The following TACR1 variants were observed in gnomAD, a reference collection of about 807,000 sequenced individuals.
The protein encoded by TACR1 is substance-P receptor.
A neutral mutation model predicts 35.8 loss-of-function variants in TACR1; 25 were observed. That is an observed-to-expected ratio of 0.70 (90% confidence interval 0.51 to 0.98). TACR1 has a LOEUF of 0.98. TACR1 is among the 50% of genes least tolerant of loss of function. The pLI is 0.00. For missense variants in TACR1, 478 were observed against 522.9 expected, an observed-to-expected ratio of 0.91 and a Z score of 0.84; for synonymous variants, 195 against 206.7, an observed-to-expected ratio of 0.94 and a Z score of 0.48.
At chr2:75,127,535 G>A (rs944006828) in intron 1 of TACR1, among the ~76,000 whole-genome samples, 9 of 152,240 alleles carry the variant, frequency 5.9e-5, no homozygotes, top group Admixed American at 1.3e-4. Context: ...TAGCAAGGGC[G>A]CCATCAACAA....
intron 1 of TACR1, among the ~76,000 whole-genome samples, chr2:75,141,506 C>T (rs549336496): frequency 1.2e-4 from 18 of 151,220 alleles, no homozygotes; most frequent in African/African-American, 4.4e-4. Flanking sequence ...GTTGGCTTAA[C>T]CACATCCAGG....
chr2:75,121,423 A>AG (rs1220131218), intron 1 of TACR1, among the ~76,000 whole-genome samples: 1 of 152,226 alleles, frequency 6.6e-6, no homozygotes, highest in African/African-American at 2.4e-5. Context: ...GAGTGCACAA[A>AG]GGACCAGTAT....
intron 2 of TACR1, among the ~76,000 whole-genome samples, chr2:75,097,378 G>GT (rs11428453): frequency 0.66 from 97,787 of 148,516 alleles, 32,037 homozygotes; most frequent in Middle Eastern, 0.67. Flanking sequence ...TTCTTCATTA[G>GT]TTTTTTTTTT....
At chr2:75,100,268 A>G (rs1673511485) in intron 2 of TACR1, among the ~76,000 whole-genome samples, 1 of 152,240 alleles carries the variant, frequency 6.6e-6, no homozygotes, top group Non-Finnish European at 1.5e-5. Flanking sequence ...AGGGGATGAA[A>G]TGAGATGATG....
At chr2:75,131,613 A>G (rs1978362) in intron 1 of TACR1, among the ~76,000 whole-genome samples, 63,069 of 152,066 alleles carry the variant, frequency 0.41, 14,138 homozygotes, top group Non-Finnish European at 0.51. Flanking sequence ...TGTGATACAC[A>G]TAATTTGCAA....
chr2:75,088,042 C>A (rs1418320723), intron 2 of TACR1, among the ~76,000 whole-genome samples: 1 of 152,192 alleles, frequency 6.6e-6, no homozygotes, highest in Non-Finnish European at 1.5e-5. Context: ...TGTCTCGGTC[C>A]TCATTTCTCT....
chr2:75,191,752 G>A (rs1375890191), intron 1 of TACR1, among the ~76,000 whole-genome samples: 3 of 152,106 alleles, frequency 2.0e-5, no homozygotes, highest in Non-Finnish European at 4.4e-5. Flanking sequence ...TGTGCTATAC[G>A]GTCTGCTTGA....
intron 2 of TACR1, among the ~76,000 whole-genome samples, chr2:75,079,358 C>T (rs982995202): frequency 2.6e-5 from 4 of 152,184 alleles, no homozygotes; most frequent in Non-Finnish European, 5.9e-5. Flanking sequence ...TCCCTTCCAA[C>T]CCATCTTCCC....
intron 2 of TACR1, among the ~76,000 whole-genome samples, chr2:75,076,836 G>A (rs1349227046): frequency 1.3e-5 from 2 of 152,126 alleles, no homozygotes; most frequent in Non-Finnish European, 2.9e-5. Context: ...AGAACTCTAA[G>A]TTTTGGTAGG....
chr2:75,069,981 G>A (rs1212410669), intron 2 of TACR1, among the ~76,000 whole-genome samples: 1 of 151,872 alleles, frequency 6.6e-6, no homozygotes, highest in Non-Finnish European at 1.5e-5. Context: ...GAGGAGTCAT[G>A]CTCCTCCCTT....
chr2:75,174,984 G>A (rs1675378448), intron 1 of TACR1, among the ~76,000 whole-genome samples: 2 of 152,280 alleles, frequency 1.3e-5, no homozygotes, highest in East Asian at 1.9e-4. Flanking sequence ...AATCCCAATA[G>A]TTTATTGATT....
chr2:75,181,133 C>G (rs1289475999), intron 1 of TACR1, among the ~76,000 whole-genome samples: 1 of 152,164 alleles, frequency 6.6e-6, no homozygotes, highest in Non-Finnish European at 1.5e-5. Context: ...TTTCCCCAGT[C>G]CTATGTTTTG....
intron 2 of TACR1, among the ~76,000 whole-genome samples, chr2:75,113,047 G>C (rs755395131): frequency 6.6e-6 from 1 of 152,144 alleles, no homozygotes; most frequent in African/African-American, 2.4e-5. Flanking sequence ...ATATTGTTCT[G>C]TGCTCTTGAA....
At position 75,198,866 on chromosome 2, in the gene TACR1, A is replaced by G. The variant is rs772498566; in HGVS notation, c.69T>C (p.Asn23=). Residue 23 remains asparagine (N), a synonymous_variant, in exon 1 of 5, where the codon AAT becomes AAC. Coordinates refer to ENST00000305249, the MANE Select transcript of TACR1 (RefSeq NM_001058.4). ...TTTGCCAGGCTGGTTGCACGAACTG[A>G]TTGGGTTCCGAGGTGTTAGTGGAGA... ...PNISTNTSEP[N]QFVQPAWQIV... is the part of the protein sequence containing the mutation. 1 of 1,614,094 alleles carries G rather than the reference A, an allele frequency of 6.2e-7. No individual in the cohort carries two copies. Among genetic ancestry groups the G allele is most frequent in the South Asian group, 1.1e-5 (1 of 91,070 alleles).
chr2:75,177,857 A>T (rs1675463611), intron 1 of TACR1, among the ~76,000 whole-genome samples: 1 of 152,140 alleles, frequency 6.6e-6, no homozygotes, highest in Non-Finnish European at 1.5e-5. Context: ...ACAATCCCCA[A>T]ATATTTCTGT....
intron 1 of TACR1, among the ~76,000 whole-genome samples, chr2:75,178,001 G>C (rs1424721299): frequency 6.6e-6 from 1 of 151,980 alleles, no homozygotes. Flanking sequence ...CAATAAAAAT[G>C]AGCTGTCATT....
At chr2:75,154,855 C>T (rs776786855) in intron 1 of TACR1, among the ~76,000 whole-genome samples, 24 of 152,150 alleles carry the variant, frequency 1.6e-4, no homozygotes, top group South Asian at 8.3e-4. Flanking sequence ...TCCCTCCTTT[C>T]GGCCCATCCT....
At chr2:75,195,039 G>A (rs1675931097) in intron 1 of TACR1, among the ~76,000 whole-genome samples, 1 of 152,152 alleles carries the variant, frequency 6.6e-6, no homozygotes, top group East Asian at 1.9e-4. Context: ...ATGGGGGTTA[G>A]GGGAACGGGG....
intron 2 of TACR1, among the ~76,000 whole-genome samples, chr2:75,094,859 A>ATTTTTTTTTTTT (rs58283121): frequency 1.8e-5 from 2 of 113,134 alleles, no homozygotes; most frequent in African/African-American, 9.6e-5. Context: ...ATATATATAT[A>ATTTTTTTTTTTT]TTTTTTTTTT....
Sources: gnomAD v4.1 joint callset for allele counts (sites outside exome capture counted in the v4.1 genomes callset) on GRCh38, gnomAD v4.1.1 for gene constraint, MANE v1.5 for transcripts, NCBI Gene and HGNC (gene_info 2026-07-23, HGNC 2026-07-21) for gene names.